Variants in TMEM181 observed in about 807,000 individuals in gnomAD.
TMEM181 encodes the protein transmembrane protein 181, also known as G protein-coupled receptor 178.
A neutral mutation model predicts 71.9 loss-of-function variants in TMEM181; 39 were observed. That is an observed-to-expected ratio of 0.54 (90% CI 0.42 to 0.71). The LOEUF is 0.71. Among genes scored for constraint, TMEM181 ranks in the 30% least tolerant of loss-of-function variants. The pLI, the probability that TMEM181 is intolerant of heterozygous loss-of-function variation, is 0.00. For synonymous variants in TMEM181, 245 were observed against 228.8 expected (o/e 1.07, Z -0.64); for missense variants, 595 against 583.0 (o/e 1.02, Z -0.21).
intron 2 of TMEM181, among the ~76,000 whole-genome samples, chr6:158,574,182 A>G (rs1783032239): frequency 6.6e-6 from 1 of 152,180 alleles, no homozygotes; most frequent in South Asian, 2.1e-4. Flanking sequence ...TCTGGTAGAT[A>G]TTATTTAATT....
chr6:158,536,755 C>T (rs769297253), exon 1 of TMEM181: 25 of 1,577,868 alleles, frequency 1.6e-5, no homozygotes, highest in Non-Finnish European at 2.1e-5. Context: ...AGTACCCTGC[C>T]TTTGAGCCCC....
chr6:158,591,345 G>T (rs1177061708), intron 6 of TMEM181, among the ~76,000 whole-genome samples: 1 of 152,112 alleles, frequency 6.6e-6, no homozygotes, highest in Non-Finnish European at 1.5e-5. Context: ...GGAAGGAGCA[G>T]GTGGCCCTGG....
chr6:158,540,100 T>G (rs1781285519), intron 1 of TMEM181, among the ~76,000 whole-genome samples: 1 of 152,222 alleles, frequency 6.6e-6, no homozygotes, highest in Non-Finnish European at 1.5e-5. Context: ...TGATAATCAT[T>G]TGGGCTACTG....
In TMEM181 at chr6:158,629,710, C is replaced by A; in HGVS notation, c.1193-20C>A. 1 of 1,589,084 alleles carries A rather than the reference C, an allele frequency of 6.3e-7. No individual in the cohort carries two copies. Among genetic ancestry groups the A allele is most frequent in the Non-Finnish European group, 8.6e-7 (1 of 1,165,566 alleles). On this transcript the variant is annotated intron_variant, in intron 14 of 16. Transcript: ENST00000684151. ...GACTGATGTGTCCAGATGCCGCGTT[C>A]CTTCCCTTGACAGCACCACCAGCCG...
chr6:158,632,093 G>T lies in TMEM181; in HGVS notation c.*205G>T, dbSNP rs1786699878. On this transcript the variant is annotated 3_prime_UTR_variant, in exon 17 of 17. Coordinates refer to ENST00000684151, the MANE Select transcript of TMEM181 (RefSeq NM_001376852.1). ...TATTGTCATGGTGGCTACGAGAAGA[G>T]GCATTGATAACAAGTTTCAACAGCC... is the stretch of plus-strand genomic sequence containing the variant. 1.8e-6 allele frequency: 1 copy of T among 553,628 alleles called. No homozygotes were observed. The highest frequency in any genetic ancestry group is 2.9e-5 in the East Asian group (1 of 34,278). The allele number at this position is 553,628 out of a possible 1,614,324, so 34.3% of individuals were successfully genotyped here.
intron 2 of TMEM181, among the ~76,000 whole-genome samples, chr6:158,576,936 C>T (rs981013329): frequency 2.6e-5 from 4 of 151,886 alleles, no homozygotes; most frequent in African/African-American, 9.7e-5. Context: ...GTGGTGGGCA[C>T]CTGTAGCCCC....
intron 1 of TMEM181, among the ~76,000 whole-genome samples, chr6:158,539,402 T>TA (rs1781254390): frequency 6.6e-6 from 1 of 152,226 alleles, no homozygotes; most frequent in Non-Finnish European, 1.5e-5. Flanking sequence ...AGCTGCTAGT[T>TA]ACAGCTCCGC....
At chr6:158,610,244 G>A (rs940979000) in intron 10 of TMEM181, 17 of 258,108 alleles carry the variant, frequency 6.6e-5, no homozygotes, top group Admixed American at 4.4e-4. Flanking sequence ...CTTAAGGCTT[G>A]TAAAAGATTT....
In TMEM181 at chr6:158,584,095, G is replaced by A. The variant is rs749640511; in HGVS notation, c.259+51G>A. ...ATTTTTCATTATACGAAGAAACATCGTATTTTAGATGTTGACTTCAGAATA... is the reference window on the plus strand; with the variant it reads ...ATTTTTCATTATACGAAGAAACATCATATTTTAGATGTTGACTTCAGAATA... On this transcript the variant is annotated intron_variant, in intron 4 of 16. Transcript: ENST00000684151. 6 of 1,451,508 alleles carry A rather than the reference G, an allele frequency of 4.1e-6. No individual in the cohort carries two copies. The African/African-American group carries it at 5.6e-5, about 14-fold the overall frequency. 89.9% of individuals were successfully genotyped at this position (1,451,508 alleles called of 1,614,324 possible).
chr6:158,603,253 G>C (rs1362908110), intron 6 of TMEM181, among the ~76,000 whole-genome samples: 1 of 152,164 alleles, frequency 6.6e-6, no homozygotes, highest in Admixed American at 6.5e-5. Flanking sequence ...TGGTTTTGTG[G>C]AAGACAATTT....
chr6:158,613,818 CAGAG>C (rs1785462907), intron 10 of TMEM181, among the ~76,000 whole-genome samples: 1 of 152,170 alleles, frequency 6.6e-6, no homozygotes. Context: ...AGGAACTAGG[CAGAG>C]AGAAACAAAC....
intron 1 of TMEM181, among the ~76,000 whole-genome samples, chr6:158,548,989 G>C (rs1383766959): frequency 6.6e-6 from 1 of 152,210 alleles, no homozygotes; most frequent in Non-Finnish European, 1.5e-5. Flanking sequence ...GCAGGGAGGG[G>C]CCTGCTCTAC....
intron 2 of TMEM181, among the ~76,000 whole-genome samples, chr6:158,577,681 A>G (rs1783240946): frequency 6.6e-6 from 1 of 152,250 alleles, no homozygotes. Context: ...GAATCTTGAA[A>G]GCAGTAAGAG....
At chr6:158,564,605 C>G (rs1002773405) in intron 1 of TMEM181, among the ~76,000 whole-genome samples, 1 of 152,232 alleles carries the variant, frequency 6.6e-6, no homozygotes, top group African/African-American at 2.4e-5. Context: ...GCTAGCCTGG[C>G]TGAGTTCTTG....
At chr6:158,619,888 AAGGAG>A (rs1465785401) in intron 10 of TMEM181, among the ~76,000 whole-genome samples, 2 of 104,560 alleles carry the variant, frequency 1.9e-5, no homozygotes, top group African/African-American at 8.1e-5. Context: ...AAAAAAAAAA[AAGGAG>A]GATGTCATGA....
At position 158,605,256 on chromosome 6, in the gene TMEM181, T is replaced by G. The variant is rs1784892378; in HGVS notation, c.493-11T>G. 2 of 1,611,294 alleles carry G rather than the reference T, an allele frequency of 1.2e-6. No individual in the cohort carries two copies. The highest frequency in any genetic ancestry group is 1.1e-5 in the South Asian group (1 of 91,014). ...TTTTTTTCAAATTGTTTTCTCCACT[T>G]TCTATTTTAGTGGAAGACTTATAAC... On this transcript the variant is annotated splice_polypyrimidine_tract_variant and intron_variant, in intron 6 of 16. Coordinates refer to ENST00000684151, the MANE Select transcript of TMEM181 (RefSeq NM_001376852.1).
intron 1 of TMEM181, among the ~76,000 whole-genome samples, chr6:158,566,003 C>A (rs964157853): frequency 1.3e-5 from 2 of 152,176 alleles, no homozygotes; most frequent in Non-Finnish European, 2.9e-5. Context: ...GTTGCGTTTC[C>A]TTCTAAATTT....
chr6:158,572,427 A>G (rs1292081193), intron 1 of TMEM181: 1 of 456,738 alleles, frequency 2.2e-6, no homozygotes, highest in East Asian at 7.0e-5. Flanking sequence ...AACAGAGAAC[A>G]CAGAAGAGAG....
intron 10 of TMEM181, among the ~76,000 whole-genome samples, chr6:158,609,097 C>CAAA (rs61268690): frequency 4.1e-4 from 46 of 113,448 alleles, no homozygotes; most frequent in African/African-American, 9.3e-4. Context: ...GACCTTGTCT[C>CAAA]AAAAAAAAAA....
Sources: gnomAD v4.1 joint callset for allele counts (sites outside exome capture counted in the v4.1 genomes callset) on GRCh38, gnomAD v4.1.1 for gene constraint, MANE v1.5 for transcripts, NCBI Gene and HGNC (gene_info 2026-07-23, HGNC 2026-07-21) for gene names.